Variants in LDB2 observed in about 807,000 individuals in gnomAD.
LDB2 encodes LIM domain binding 2.
In LDB2, 12 loss-of-function variants were observed where a neutral mutation model predicts 44.3. The observed-to-expected ratio is 0.27, with a 90% CI of 0.17 to 0.44. LDB2 has a LOEUF of 0.44. Among genes scored for constraint, LDB2 ranks in the 20% least tolerant of loss-of-function variants. The pLI is 1.00. For synonymous variants in LDB2, 164 were observed against 174.8 expected (o/e 0.94, Z 0.49); for missense variants, 344 against 473.5 (o/e 0.73, Z 2.54).
At chr4:16,601,409 C>T (rs1030495805) in intron 2 of LDB2, among the ~76,000 whole-genome samples, 13 of 152,092 alleles carry the variant, frequency 8.5e-5, no homozygotes, top group African/African-American at 2.9e-4. Context: ...AGACAATTCA[C>T]TTCCAAGAAA....
chr4:16,618,967 G>A (rs1178314970), intron 2 of LDB2, among the ~76,000 whole-genome samples: 3 of 152,102 alleles, frequency 2.0e-5, no homozygotes, highest in Non-Finnish European at 1.5e-5. Flanking sequence ...TCTTCCTCCT[G>A]CTCCAGCCGT....
chr4:16,608,806 C>A (rs1431820453), intron 2 of LDB2, among the ~76,000 whole-genome samples: 1 of 152,126 alleles, frequency 6.6e-6, no homozygotes, highest in Non-Finnish European at 1.5e-5. Flanking sequence ...GGGCTTCTGA[C>A]AGGGAGAGAG....
At chr4:16,723,540 A>G (rs1039872119) in intron 2 of LDB2, among the ~76,000 whole-genome samples, 3 of 152,178 alleles carry the variant, frequency 2.0e-5, no homozygotes, top group African/African-American at 7.2e-5. Context: ...CAATACATGA[A>G]CATTGGGGAA....
chr4:16,654,454 GT>G (rs1739198793), intron 2 of LDB2, among the ~76,000 whole-genome samples: 1 of 152,192 alleles, frequency 6.6e-6, no homozygotes, highest in Non-Finnish European at 1.5e-5. Context: ...TCCTTATGGA[GT>G]TGAGTAATCC....
chr4:16,661,283 A>G (rs1741514893), intron 2 of LDB2, among the ~76,000 whole-genome samples: 1 of 152,242 alleles, frequency 6.6e-6, no homozygotes, highest in Admixed American at 6.5e-5. Context: ...GTCAAGCACT[A>G]TGTACCAACA....
intron 2 of LDB2, among the ~76,000 whole-genome samples, chr4:16,647,706 CA>C (rs1234596436): frequency 6.6e-6 from 1 of 152,108 alleles, no homozygotes; most frequent in Non-Finnish European, 1.5e-5. Context: ...TTCAGCTCAG[CA>C]ACACCAGTCA....
At chr4:16,508,938 G>A (rs1371193163) in intron 6 of LDB2, among the ~76,000 whole-genome samples, 2 of 152,134 alleles carry the variant, frequency 1.3e-5, no homozygotes, top group Non-Finnish European at 2.9e-5. Flanking sequence ...CTAATGGTAT[G>A]TATTTAATTT....
intron 1 of LDB2, among the ~76,000 whole-genome samples, chr4:16,847,902 C>A (rs1447286897): frequency 6.6e-6 from 1 of 152,220 alleles, no homozygotes; most frequent in Non-Finnish European, 1.5e-5. Context: ...AGGCGTGAGC[C>A]ACCGCGCCCA....
At chr4:16,619,483 G>A (rs1560655604) in intron 2 of LDB2, among the ~76,000 whole-genome samples, 1 of 152,174 alleles carries the variant, frequency 6.6e-6, no homozygotes, top group Non-Finnish European at 1.5e-5. Context: ...TTATGTTTCT[G>A]AGATGGGCCA....
At chr4:16,593,024 C>T (rs1454637403) in intron 3 of LDB2, among the ~76,000 whole-genome samples, 1 of 151,904 alleles carries the variant, frequency 6.6e-6, no homozygotes, top group East Asian at 1.9e-4. Flanking sequence ...TCTAATTACA[C>T]ATTTATCCAT....
chr4:16,611,287 C>T (rs1462233215), intron 2 of LDB2, among the ~76,000 whole-genome samples: 1 of 152,158 alleles, frequency 6.6e-6, no homozygotes, highest in Non-Finnish European at 1.5e-5. Flanking sequence ...ACCAATGACA[C>T]TACAAAGAAA....
chr4:16,547,351 G>A (rs1447745803), intron 5 of LDB2, among the ~76,000 whole-genome samples: 1 of 152,188 alleles, frequency 6.6e-6, no homozygotes. Flanking sequence ...CCAGAACTTT[G>A]CAAGGATACG....
chr4:16,807,585 T>C (rs1284654599), intron 1 of LDB2, among the ~76,000 whole-genome samples: 3 of 152,184 alleles, frequency 2.0e-5, no homozygotes, highest in South Asian at 4.1e-4. Context: ...TCACAAAAGA[T>C]CATTGGCTGC....
At chr4:16,503,771 G>A (rs1718245408) in intron 7 of LDB2, among the ~76,000 whole-genome samples, 1 of 152,178 alleles carries the variant, frequency 6.6e-6, no homozygotes. Context: ...CGTGCAAGAA[G>A]AATCCATCTA....
At position 16,694,148 on chromosome 4, in the gene LDB2, C is replaced by G. The variant is rs144888068; in HGVS notation, c.235+65010G>C. On this transcript the variant is annotated intron_variant, in intron 2 of 7. Transcript: ENST00000304523. ...TGCAGAGCTTAGCTGAATGCCCACACTGTGAGAAAGCTTCTTCAGTTGGGA... is the reference window on the plus strand; with the variant it reads ...TGCAGAGCTTAGCTGAATGCCCACAGTGTGAGAAAGCTTCTTCAGTTGGGA... Among the ~76,000 whole-genome samples the G allele has an allele frequency of 7.2e-3, 1,104 of 152,356 alleles. 9 individuals are homozygous for G. Among genetic ancestry groups the G allele is most frequent in the Middle Eastern group, 0.02 (6 of 294 alleles).
chr4:16,575,870 G>A (rs1427667660), intron 5 of LDB2, among the ~76,000 whole-genome samples: 2 of 152,194 alleles, frequency 1.3e-5, no homozygotes, highest in Non-Finnish European at 2.9e-5. Context: ...CCAAGTAGCT[G>A]GGATTACAGG....
At chr4:16,593,473 C>CA (rs934563633) in intron 3 of LDB2, among the ~76,000 whole-genome samples, 1 of 144,594 alleles carries the variant, frequency 6.9e-6, no homozygotes. Flanking sequence ...AGCAAAAAAA[C>CA]AAAAAACAAA....
intron 2 of LDB2, among the ~76,000 whole-genome samples, chr4:16,742,074 C>CTTTTTTTTTTTTTTTTTTTTTTTT (rs33990510): frequency 1.6e-5 from 2 of 128,310 alleles, no homozygotes; most frequent in African/African-American, 3.0e-5. Flanking sequence ...CTTTTCTTTT[C>CTTTTTTTTTTTTTTTTTTTTTTTT]TTTTTTTTTT....
intron 5 of LDB2, among the ~76,000 whole-genome samples, chr4:16,584,372 C>A (rs932433283): frequency 1.3e-5 from 2 of 152,224 alleles, no homozygotes; most frequent in Admixed American, 1.3e-4. Flanking sequence ...CTCCCGTGCT[C>A]ACTAGCAAGA....
Sources: allele counts gnomAD v4.1 joint callset (sites outside exome capture counted in the v4.1 genomes callset), GRCh38; gene constraint gnomAD v4.1.1; transcripts MANE v1.5; gene names NCBI Gene and HGNC (gene_info 2026-07-23, HGNC 2026-07-21).